GPC6: variants seen among roughly 807,000 people sequenced by gnomAD.
GPC6 encodes glypican 6, also known as glypican-6.
GPC6 carries 14 observed loss-of-function variants against 55.2 expected under a neutral mutation model. The observed-to-expected ratio is 0.25, with a 90% CI of 0.17 to 0.40. The LOEUF is 0.40. GPC6 is among the 10% of genes least tolerant of loss of function. GPC6 has a pLI of 1.00. For missense variants in GPC6, 641 were observed against 708.5 expected (o/e 0.90, Z 1.08); for synonymous variants, 278 against 259.6 (o/e 1.07, Z -0.68).
chr13:93,442,523 T>A (rs1195897787), intron 1 of GPC6, among the ~76,000 whole-genome samples: 1 of 152,182 alleles, frequency 6.6e-6, no homozygotes, highest in African/African-American at 2.4e-5. Flanking sequence ...CCAGAAACTA[T>A]ACAAATAAAT....
chr13:93,549,130 C>T (rs754839714), intron 2 of GPC6, among the ~76,000 whole-genome samples: 1 of 152,000 alleles, frequency 6.6e-6, no homozygotes, highest in Non-Finnish European at 1.5e-5. Context: ...CTGTTGCTCC[C>T]CAGGATTAAA....
chr13:93,256,003 G>T (rs1445013644), intron 1 of GPC6, among the ~76,000 whole-genome samples: 1 of 151,708 alleles, frequency 6.6e-6, no homozygotes, highest in Non-Finnish European at 1.5e-5. Flanking sequence ...GTGCAGTGGT[G>T]CACGCCTGTA....
At chr13:94,181,989 G>T (rs1003815914) in intron 4 of GPC6, among the ~76,000 whole-genome samples, 3 of 152,302 alleles carry the variant, frequency 2.0e-5, no homozygotes, top group Non-Finnish European at 4.4e-5. Flanking sequence ...AATTCATGCA[G>T]CTAGGAAGTG....
chr13:93,425,502 A>C (rs1430248985), intron 1 of GPC6, among the ~76,000 whole-genome samples: 1 of 152,202 alleles, frequency 6.6e-6, no homozygotes, highest in African/African-American at 2.4e-5. Flanking sequence ...TCAAAAGATT[A>C]AACCGGTTTC....
chr13:93,364,673 A>ATG (rs201888404), intron 1 of GPC6, among the ~76,000 whole-genome samples: 53 of 148,926 alleles, frequency 3.6e-4, no homozygotes, highest in Admixed American at 2.0e-3. Context: ...GCACACAAAT[A>ATG]TGTGTGTGTG....
Position 93,520,964 on chromosome 13 carries a change from G to A in GPC6, c.161-24299G>A, listed in dbSNP as rs77278791. ...TTCATCTATAGAGTGTGGAGGTCAC[G>A]TTAAGTAATCTCTACATTATCTTTT... On this transcript the variant is annotated intron_variant, in intron 1 of 8. Coordinates refer to ENST00000377047, the MANE Select transcript of GPC6 (RefSeq NM_005708.5). 1.6e-3 allele frequency among the ~76,000 whole-genome samples: 236 copies of A among 152,006 alleles called. 1 individual carries two copies. Among genetic ancestry groups the A allele is most frequent in the African/African-American group, 5.4e-3 (223 of 41,508 alleles).
intron 2 of GPC6, among the ~76,000 whole-genome samples, chr13:93,811,737 A>C (rs1405037991): frequency 6.6e-6 from 1 of 152,224 alleles, no homozygotes; most frequent in African/African-American, 2.4e-5. Flanking sequence ...ACTAATTAAA[A>C]TTATGATCTA....
At chr13:93,630,739 CTTTTA>C (rs1321270211) in intron 2 of GPC6, among the ~76,000 whole-genome samples, 17 of 152,142 alleles carry the variant, frequency 1.1e-4, no homozygotes, top group East Asian at 3.9e-4. Flanking sequence ...ATACAGTATA[CTTTTA>C]TTTTAAGAAT....
intron 2 of GPC6, among the ~76,000 whole-genome samples, chr13:93,783,152 G>A (rs1318367031): frequency 6.6e-6 from 1 of 152,044 alleles, no homozygotes; most frequent in Non-Finnish European, 1.5e-5. Context: ...ACATGATCTT[G>A]TTCCTTTTTA....
intron 4 of GPC6, among the ~76,000 whole-genome samples, chr13:94,147,839 C>G (rs946570566): frequency 4.6e-5 from 7 of 152,206 alleles, no homozygotes; most frequent in Admixed American, 3.3e-4. Context: ...TGGAATTGTA[C>G]TCATTTATCA....
intron 4 of GPC6, among the ~76,000 whole-genome samples, chr13:94,202,459 T>C (rs1889782650): frequency 6.6e-6 from 1 of 152,044 alleles, no homozygotes; most frequent in Admixed American, 6.6e-5. Flanking sequence ...CAAGAAAGAA[T>C]GAGAGCCAAG....
chr13:94,343,333 T>C (rs1360903532), intron 6 of GPC6, among the ~76,000 whole-genome samples: 2 of 152,148 alleles, frequency 1.3e-5, no homozygotes, highest in Non-Finnish European at 2.9e-5. Flanking sequence ...TTCACAGCCA[T>C]CTCTAATGAA....
chr13:93,649,518 A>G (rs1880320797), intron 2 of GPC6, among the ~76,000 whole-genome samples: 2 of 152,134 alleles, frequency 1.3e-5, no homozygotes, highest in Non-Finnish European at 2.9e-5. Flanking sequence ...TATTTTTTTC[A>G]TTTGGATAGG....
intron 1 of GPC6, among the ~76,000 whole-genome samples, chr13:93,433,123 T>A (rs1268029769): frequency 6.6e-6 from 1 of 152,182 alleles, no homozygotes; most frequent in African/African-American, 2.4e-5. Context: ...CTATGTGAGC[T>A]ATCAGTGTGG....
chr13:93,587,046 G>T (rs1183594179), intron 2 of GPC6, among the ~76,000 whole-genome samples: 2 of 152,228 alleles, frequency 1.3e-5, no homozygotes, highest in East Asian at 3.9e-4. Context: ...TCCCTAGTAG[G>T]AGGTTGCATG....
intron 7 of GPC6, among the ~76,000 whole-genome samples, chr13:94,397,321 C>T (rs1475747015): frequency 6.6e-6 from 1 of 151,840 alleles, no homozygotes. Context: ...CAGAGAGGGC[C>T]CCAAGCACAT....
chr13:93,714,035 T>G (rs987099488), intron 2 of GPC6, among the ~76,000 whole-genome samples: 1 of 151,754 alleles, frequency 6.6e-6, no homozygotes, highest in African/African-American at 2.4e-5. Flanking sequence ...AGAAAGAATT[T>G]ATGACTAAGT....
chr13:93,536,103 C>A (rs9589762), intron 1 of GPC6, among the ~76,000 whole-genome samples: 42,915 of 151,608 alleles, frequency 0.28, 6,185 homozygotes, highest in African/African-American at 0.33. Context: ...GGACTAGCAT[C>A]CCAGATCAAG....
At chr13:93,604,271 T>C (rs555579417) in intron 2 of GPC6, among the ~76,000 whole-genome samples, 1 of 152,312 alleles carries the variant, frequency 6.6e-6, no homozygotes, top group Non-Finnish European at 1.5e-5. Flanking sequence ...TTTCACATTG[T>C]TATATACGTG....
Sources: gnomAD v4.1 joint callset for allele counts (sites outside exome capture counted in the v4.1 genomes callset) on GRCh38, gnomAD v4.1.1 for gene constraint, MANE v1.5 for transcripts, NCBI Gene and HGNC (gene_info 2026-07-23, HGNC 2026-07-21) for gene names.